ITGAM: variants seen among roughly 807,000 people sequenced by gnomAD.
The protein encoded by ITGAM is integrin alpha-M.
Under a neutral mutation model 137.5 loss-of-function variants are expected in ITGAM, and 79 were observed. That is an observed-to-expected ratio of 0.57 (90% CI 0.48 to 0.69). ITGAM has a LOEUF of 0.69. Ranked by LOEUF, ITGAM falls within the 30% of genes least tolerant of loss-of-function variation. The pLI is 0.00. For missense variants in ITGAM, 1,343 were observed against 1,483.5 expected, an observed-to-expected ratio of 0.91 and a Z score of 1.56; for synonymous variants, 583 against 592.3, an observed-to-expected ratio of 0.98 and a Z score of 0.23.
In ITGAM at chr16:31,330,530, G is replaced by T. The variant is rs1045844730; in HGVS notation, c.3201G>T (p.Val1067=). Residue 1067 remains valine, a synonymous_variant, in exon 28 of 30, where the codon GTG becomes GTT. Transcript: ENST00000544665. The part of the protein sequence containing the change: ...IKTSHNHLLI[V]STAEILFNDS... ...CCTCGCATAACCACCTCCTGATCGT[G>T]AGCACAGCTGAGATCTTGTTTAACG... 1.9e-6 allele frequency: 3 copies of T among 1,613,742 alleles called. No individual in the cohort carries two copies. Among genetic ancestry groups the T allele is most frequent in the African/African-American group, 2.7e-5 (2 of 75,062 alleles).
At chr16:31,276,334 C>T (rs2079905790) in intron 9 of ITGAM, among the ~76,000 whole-genome samples, 1 of 151,956 alleles carries the variant, frequency 6.6e-6, no homozygotes, top group Admixed American at 6.6e-5. Context: ...CTTTTCTTTT[C>T]TTTCTATTTT....
At chr16:31,328,075 TGAGGGA>T in intron 22 of ITGAM, 66 bp from the exon 23 acceptor site, 2 of 1,145,970 alleles carry the variant, frequency 1.7e-6, no homozygotes, top group Non-Finnish European at 2.6e-6. Flanking sequence ...AGGCAGGGAG[TGAGGGA>T]GAGGGAGGAG....
chr16:31,331,010 G>A (rs559942137), intron 28 of ITGAM, among the ~76,000 whole-genome samples, 155 bp from the exon 29 acceptor site: 9 of 152,104 alleles, frequency 5.9e-5, no homozygotes, highest in East Asian at 1.9e-4. Flanking sequence ...AGGAGGGAGA[G>A]GAGGGAGAAG....
At chr16:31,271,125 GC>G (rs767272456) in intron 6 of ITGAM, 41 bp downstream of exon 6, 5 of 1,435,760 alleles carry the variant, frequency 3.5e-6, no homozygotes, top group Non-Finnish European at 4.6e-6. Context: ...CCCACACGGG[GC>G]TGGAAGATAC....
At chr16:31,265,762 C>T (rs750224788) in intron 3 of ITGAM, 49 bp from the exon 4 acceptor site, 28 of 1,548,462 alleles carry the variant, frequency 1.8e-5, no homozygotes, top group Non-Finnish European at 2.2e-5. Flanking sequence ...CTTCCACAGC[C>T]TTCTCTGTCC....
At chr16:31,265,116 C>A (rs1176615565) in intron 2 of ITGAM, among the ~76,000 whole-genome samples, 1 of 152,124 alleles carries the variant, frequency 6.6e-6, no homozygotes, top group Admixed American at 6.5e-5. Flanking sequence ...CAATCCACCC[C>A]CTTGGCCTCC....
At chr16:31,302,454 C>CTTTCTTTCTTTCTTTCTTTCTTT (rs1567268010) in intron 14 of ITGAM, among the ~76,000 whole-genome samples, 5 of 92,002 alleles carry the variant, frequency 5.4e-5, no homozygotes, top group African/African-American at 2.1e-4. Flanking sequence ...TTTCTTTCTT[C>CTTTCTTTCTTTCTTTCTTTCTTT]CTTCCTTTCT....
intron 1 of ITGAM, among the ~76,000 whole-genome samples, chr16:31,260,772 G>A (rs2079689979): frequency 6.6e-6 from 1 of 152,204 alleles, no homozygotes; most frequent in Non-Finnish European, 1.5e-5. Context: ...TCAGCAAACA[G>A]TGGCCTGGGG....
chr16:31,281,160 G>A (rs1488940451), intron 12 of ITGAM, among the ~76,000 whole-genome samples: 1 of 152,158 alleles, frequency 6.6e-6, no homozygotes, highest in East Asian at 1.9e-4. Context: ...GTTCATCAGG[G>A]ATATTGGTCT....
rs1486886182 is a variant in ITGAM at position 31,260,109 on chromosome 16, T to C, written c.28+17T>C. 2 of 260,370 alleles carry C rather than the reference T, an allele frequency of 7.7e-6. No individual in the cohort carries two copies. Among genetic ancestry groups the C allele is most frequent in the Non-Finnish European group, 1.5e-5 (2 of 131,876 alleles). 16.1% of individuals were successfully genotyped at this position (260,370 alleles called of 1,614,324 possible). On this transcript the variant is annotated intron_variant, in intron 1 of 29. Coordinates refer to ENST00000544665, the MANE Select transcript of ITGAM (RefSeq NM_000632.4). ...TGTTAACAGGTGCATGGGGGTGGGG[T>C]GGGGGACTCTGGGTGGGGAGGAGGG...
chr16:31,315,971 G>T (rs2080387328), intron 14 of ITGAM, among the ~76,000 whole-genome samples: 1 of 151,348 alleles, frequency 6.6e-6, no homozygotes, highest in Non-Finnish European at 1.5e-5. Context: ...GAGGCGGGTG[G>T]ATCATGAGGT....
At chr16:31,272,422 ACTATATATATATAT>A (rs1326405736) in intron 7 of ITGAM, among the ~76,000 whole-genome samples, 1,723 of 48,838 alleles carry the variant, frequency 0.035, 84 homozygotes, top group Middle Eastern at 0.056. Context: ...AGGCCAATTA[ACTATATATATATAT>A]ATATATATAT....
intron 14 of ITGAM, among the ~76,000 whole-genome samples, chr16:31,312,314 C>T (rs1173854976): frequency 1.3e-5 from 2 of 152,148 alleles, no homozygotes; most frequent in East Asian, 3.9e-4. Context: ...GAAAAGAAAT[C>T]CAATGAATCA....
At chr16:31,270,350 C>G (rs892927142) in intron 5 of ITGAM, among the ~76,000 whole-genome samples, 4 of 151,790 alleles carry the variant, frequency 2.6e-5, no homozygotes, top group African/African-American at 9.7e-5. Flanking sequence ...GATCCACCTG[C>G]CTCAGCCTCC....
chr16:31,289,081 T>C (rs1049789768), intron 12 of ITGAM, among the ~76,000 whole-genome samples: 9 of 151,982 alleles, frequency 5.9e-5, no homozygotes, highest in African/African-American at 2.2e-4. Flanking sequence ...GTTAGAATGG[T>C]GATCATTAAA....
intron 12 of ITGAM, among the ~76,000 whole-genome samples, chr16:31,281,041 T>A (rs192341503): frequency 1.3e-5 from 2 of 152,108 alleles, no homozygotes; most frequent in African/African-American, 4.8e-5. Flanking sequence ...CATATGTTGA[T>A]CCAGCCTTGC....
At position 31,321,596 on chromosome 16, in the gene ITGAM, C is replaced by G. The variant is rs1162107162; in HGVS notation, c.1971C>G (p.Val657=). The G allele has an allele frequency of 6.2e-7, 1 of 1,613,886 alleles. No individual in the cohort carries two copies. The stretch of plus-strand genomic sequence containing the variant: ...GAGAGGTCAGAGTCTGCCTCCATGT[C>G]CAGAAGAGCACACGGGATCGGCTAA... ...EAGEVRVCLH[V]QKSTRDRLRE... Residue 657 remains valine (V), a synonymous_variant, in exon 16 of 30, where the codon GTC becomes GTG. Coordinates refer to ENST00000544665, the MANE Select transcript of ITGAM (RefSeq NM_000632.4).
intron 2 of ITGAM, among the ~76,000 whole-genome samples, chr16:31,263,803 AT>A (rs2079732383): frequency 4.4e-4 from 4 of 9,016 alleles, no homozygotes; most frequent in Admixed American, 1.8e-3. Context: ...ACATACAAAA[AT>A]TTATTTATTT....
chr16:31,313,184 C>T (rs1056730677), intron 14 of ITGAM, among the ~76,000 whole-genome samples: 21 of 151,994 alleles, frequency 1.4e-4, no homozygotes, highest in Admixed American at 2.6e-4. Flanking sequence ...CACCACTGCA[C>T]GCCAGCCTGG....
Sources: allele counts gnomAD v4.1 joint callset (sites outside exome capture counted in the v4.1 genomes callset), GRCh38; gene constraint gnomAD v4.1.1; transcripts MANE v1.5; gene names NCBI Gene and HGNC (gene_info 2026-07-23, HGNC 2026-07-21).